The following ARHGAP15 variants were observed in gnomAD, a reference collection of about 807,000 sequenced individuals.
ARHGAP15 encodes Rho GTPase activating protein 15, also known as rho GTPase-activating protein 15.
ARHGAP15 carries 51 observed loss-of-function variants against 63.7 expected under a neutral mutation model. The ratio of observed to expected loss-of-function variants is 0.80; its 90% confidence interval spans 0.64 to 1.01. The LOEUF (loss-of-function observed/expected upper bound fraction) is 1.01. Among genes scored for constraint, ARHGAP15 ranks in the 50% least tolerant of loss-of-function variants. ARHGAP15 has a pLI of 0.00. For synonymous variants in ARHGAP15, 191 were observed against 193.8 expected, an observed-to-expected ratio of 0.99 and a Z score of 0.12; for missense variants, 560 against 564.6, an observed-to-expected ratio of 0.99 and a Z score of 0.08.
At chr2:143,461,281 CAAAAAAA>C (rs70982868) in intron 8 of ARHGAP15, among the ~76,000 whole-genome samples, 159 of 55,056 alleles carry the variant, frequency 2.9e-3, no homozygotes, top group African/African-American at 0.012. Context: ...CTCTGTCTCT[CAAAAAAA>C]AAAAAAAAAA....
chr2:143,421,800 A>ATATG (rs1322174239), intron 6 of ARHGAP15, among the ~76,000 whole-genome samples: 23 of 14,378 alleles, frequency 1.6e-3, no homozygotes, highest in African/African-American at 4.0e-3. Context: ...ATATATATAT[A>ATATG]TGTGTGTGTT....
At chr2:143,454,167 T>C (rs1023699605) in intron 8 of ARHGAP15, among the ~76,000 whole-genome samples, 1 of 152,000 alleles carries the variant, frequency 6.6e-6, no homozygotes, top group Non-Finnish European at 1.5e-5. Context: ...TCTGTAGTAA[T>C]TGATACCTAG....
intron 5 of ARHGAP15, chr2:143,236,072 C>G: frequency 2.2e-6 from 3 of 1,387,962 alleles, no homozygotes; most frequent in Non-Finnish European, 2.9e-6. Context: ...CAATTTAGAA[C>G]ATCCATTCAT....
At chr2:143,238,454 A>G (rs1245094585) in intron 5 of ARHGAP15, 1 of 152,246 alleles carries the variant, frequency 6.6e-6, no homozygotes, top group Non-Finnish European at 1.5e-5. Context: ...GCCCAACATC[A>G]TTGATCATTA....
intron 6 of ARHGAP15, among the ~76,000 whole-genome samples, chr2:143,252,876 C>T (rs1469812372): frequency 6.6e-6 from 1 of 152,022 alleles, no homozygotes; most frequent in Non-Finnish European, 1.5e-5. Context: ...GATACATTAG[C>T]TGGTCGAACT....
At chr2:143,701,681 G>A (rs1684096180) in intron 12 of ARHGAP15, among the ~76,000 whole-genome samples, 3 of 152,132 alleles carry the variant, frequency 2.0e-5, no homozygotes, top group Admixed American at 2.0e-4. Flanking sequence ...AGTAAGCCAT[G>A]TTCACACCAC....
chr2:143,356,979 A>G (rs1685837957), intron 6 of ARHGAP15, among the ~76,000 whole-genome samples: 1 of 152,174 alleles, frequency 6.6e-6, no homozygotes, highest in African/African-American at 2.4e-5. Flanking sequence ...CAATTCGTTT[A>G]GTTTTTTTCT....
chr2:143,168,487 A>G (rs1055394316), intron 2 of ARHGAP15, among the ~76,000 whole-genome samples: 22 of 152,028 alleles, frequency 1.4e-4, no homozygotes, highest in African/African-American at 5.3e-4. Flanking sequence ...TCCTAATTTC[A>G]ATTTTAGTCT....
At position 143,437,025 on chromosome 2, in the gene ARHGAP15, A is replaced by G. The variant is rs1207242739; in HGVS notation, c.686A>G (p.Glu229Gly). 2.5e-6 allele frequency: 4 copies of G among 1,602,130 alleles called. No individual in the cohort carries two copies. Among genetic ancestry groups the G allele is most frequent in the East Asian group, 2.2e-5 (1 of 44,714 alleles). Reference sequence around the variant, plus strand: ...AGTGATATAAAAGAACAGAAACCAGAGCACAGAAAATCTTTAAGTGAGTAT... The same window carrying G: ...AGTGATATAAAAGAACAGAAACCAGGGCACAGAAAATCTTTAAGTGAGTAT... Reference protein sequence around the residue: ...YDSDIKEQKPEHRKSLMFRLH... With the variant: ...YDSDIKEQKPGHRKSLMFRLH... Residue 229 changes from glutamate to glycine, a missense_variant, in exon 8 of 14, where the codon GAG (glutamate) becomes GGG (glycine). Physicochemically the swap from Glu to Gly is moderately conservative, Grantham distance 98. Coordinates refer to ENST00000295095, the MANE Select transcript of ARHGAP15 (RefSeq NM_018460.4).
At chr2:143,235,342 G>C (rs1318892040) in intron 5 of ARHGAP15, among the ~76,000 whole-genome samples, 1 of 151,560 alleles carries the variant, frequency 6.6e-6, no homozygotes, top group Non-Finnish European at 1.5e-5. Context: ...TGAATATGTG[G>C]AGATTTGTAG....
intron 6 of ARHGAP15, among the ~76,000 whole-genome samples, chr2:143,330,873 A>G (rs867249224): frequency 2.6e-5 from 4 of 152,236 alleles, no homozygotes; most frequent in South Asian, 2.1e-4. Flanking sequence ...CCTACATTAT[A>G]TGCATGCTCT....
At chr2:143,730,892 TAAAAAAAAAAAAAA>T (rs1158246680) in intron 13 of ARHGAP15, among the ~76,000 whole-genome samples, 2 of 84,052 alleles carry the variant, frequency 2.4e-5, no homozygotes, top group East Asian at 7.4e-4. Context: ...AGCACTCCTT[TAAAAAAAAAAAAAA>T]AAAAAAAAAA....
intron 1 of ARHGAP15, among the ~76,000 whole-genome samples, chr2:143,153,843 T>TTCCTCTTCCTCTTCCTCC (rs1558779624): frequency 2.3e-5 from 2 of 86,868 alleles, no homozygotes; most frequent in African/African-American, 4.8e-5. Context: ...CTTCTTCTTC[T>TTCCTCTTCCTCTTCCTCC]TCCTCCTCCT....
intron 2 of ARHGAP15, among the ~76,000 whole-genome samples, chr2:143,188,643 T>TTGTCTCCCAAGCTAGAGTGCA (rs1691543014): frequency 6.9e-6 from 1 of 144,522 alleles, no homozygotes; most frequent in African/African-American, 2.5e-5. Flanking sequence ...TTATTATTAT[T>TTGTCTCCCAAGCTAGAGTGCA]ATTATTATTA....
intron 8 of ARHGAP15, among the ~76,000 whole-genome samples, chr2:143,455,579 T>G (rs768712659): frequency 6.6e-6 from 1 of 152,136 alleles, no homozygotes; most frequent in Non-Finnish European, 1.5e-5. Flanking sequence ...AAATTTTAGG[T>G]AGCTATTTCC....
At chr2:143,633,175 T>A (rs1406046512) in intron 12 of ARHGAP15, among the ~76,000 whole-genome samples, 2 of 152,162 alleles carry the variant, frequency 1.3e-5, no homozygotes, top group Admixed American at 6.5e-5. Flanking sequence ...TTTGTTGTGG[T>A]TGCTTTTTAA....
chr2:143,543,334 G>A (rs745740352), intron 10 of ARHGAP15, among the ~76,000 whole-genome samples: 2 of 151,992 alleles, frequency 1.3e-5, no homozygotes, highest in African/African-American at 2.4e-5. Context: ...TTGGCCATTT[G>A]TATGTCTTTT....
intron 8 of ARHGAP15, among the ~76,000 whole-genome samples, chr2:143,450,516 T>C (rs1229995078): frequency 6.6e-6 from 1 of 151,942 alleles, no homozygotes; most frequent in Non-Finnish European, 1.5e-5. Context: ...TAAAAAAAAA[T>C]TCTCTGACTC....
At chr2:143,216,223 T>A (rs1367005303) in intron 3 of ARHGAP15, among the ~76,000 whole-genome samples, 161 bp from the exon 4 acceptor site, 1 of 152,228 alleles carries the variant, frequency 6.6e-6, no homozygotes, top group Non-Finnish European at 1.5e-5. Context: ...GTAATGACTA[T>A]GATTTTGCAG....
Sources: allele counts gnomAD v4.1 joint callset (sites outside exome capture counted in the v4.1 genomes callset), GRCh38; gene constraint gnomAD v4.1.1; transcripts MANE v1.5; gene names NCBI Gene and HGNC (gene_info 2026-07-23, HGNC 2026-07-21).